Variants in SLC25A42 observed in about 807,000 individuals in gnomAD.
The protein encoded by SLC25A42 is mitochondrial coenzyme A transporter SLC25A42.
A neutral mutation model predicts 34.7 loss-of-function variants in SLC25A42; 19 were observed. The observed-to-expected ratio is 0.55, with a 90% CI of 0.38 to 0.80. The LOEUF (loss-of-function observed/expected upper bound fraction) is 0.80, where lower values mean the gene tolerates loss of function less well. Among genes scored for constraint, SLC25A42 ranks in the 30% least tolerant of loss-of-function variants. The pLI is 0.00. For missense variants in SLC25A42, 364 were observed against 441.3 expected (o/e 0.82, Z 1.57); for synonymous variants, 205 against 191.2 (o/e 1.07, Z -0.59).
At chr19:19,110,469 G>A in intron 7 of SLC25A42, 100 bp from the exon 8 acceptor site, 1 of 978,912 alleles carries the variant, frequency 1.0e-6, no homozygotes, top group South Asian at 2.2e-5. Context: ...GTGTGTATGT[G>A]CACGCAGGTT....
intron 1 of SLC25A42, among the ~76,000 whole-genome samples, chr19:19,064,365 C>G (rs2059589982): frequency 6.6e-6 from 1 of 151,776 alleles, no homozygotes; most frequent in African/African-American, 2.4e-5. Flanking sequence ...TCTCCCACAC[C>G]CCTGGGGCCT....
intron 1 of SLC25A42, among the ~76,000 whole-genome samples, chr19:19,084,189 G>A (rs2059695139): frequency 6.6e-6 from 1 of 152,172 alleles, no homozygotes; most frequent in South Asian, 2.1e-4. Flanking sequence ...GTGTGCCCCG[G>A]CAGGCACCTT....
intron 1 of SLC25A42, among the ~76,000 whole-genome samples, chr19:19,067,292 A>G (rs1263006031): frequency 1.3e-5 from 2 of 152,156 alleles, no homozygotes; most frequent in East Asian, 1.9e-4. Context: ...ACTAAAGTTC[A>G]AGAAATATTT....
At chr19:19,104,832 T>C (rs1292841048) in intron 3 of SLC25A42, 81 bp from the exon 4 acceptor site, 11 of 1,508,614 alleles carry the variant, frequency 7.3e-6, no homozygotes, top group Non-Finnish European at 1.0e-5. Context: ...ACTCTGCTAG[T>C]GGGTGCCAGG....
At chr19:19,091,274 TG>T (rs1267337035) in intron 1 of SLC25A42, among the ~76,000 whole-genome samples, 3 of 152,054 alleles carry the variant, frequency 2.0e-5, no homozygotes, top group Admixed American at 2.0e-4. Context: ...CTGGCCAACA[TG>T]GTGAAACCCT....
chr19:19,078,145 G>A lies in SLC25A42; in HGVS notation c.-35+14030G>A, dbSNP rs143064856. On this transcript the variant is annotated intron_variant, in intron 1 of 7. Transcript: ENST00000318596. The stretch of plus-strand genomic sequence containing the variant: ...TTCAAAGCTCCCAGGGCTGTATATG[G>A]GGAGGCTGGAGGGAGAGGCCTCTAT... 2.7e-3 allele frequency among the ~76,000 whole-genome samples: 417 copies of A among 152,074 alleles called. 2 individuals are homozygous for A. The highest frequency in any genetic ancestry group is 9.5e-3 in the African/African-American group (395 of 41,460).
At chr19:19,080,749 G>A (rs763106131) in intron 1 of SLC25A42, among the ~76,000 whole-genome samples, 21 of 151,852 alleles carry the variant, frequency 1.4e-4, no homozygotes, top group East Asian at 3.9e-4. Context: ...GTGAAACCCC[G>A]TCTCTACGAA....
intron 7 of SLC25A42, 151 bp from the exon 8 acceptor site, chr19:19,110,418 G>T: frequency 1.9e-6 from 1 of 536,876 alleles, no homozygotes; most frequent in Non-Finnish European, 3.0e-6. Flanking sequence ...GGGGCGTGTG[G>T]GTGCGCATGA....
At chr19:19,100,636 A>G (rs539710268) in intron 2 of SLC25A42, among the ~76,000 whole-genome samples, 1 of 152,304 alleles carries the variant, frequency 6.6e-6, no homozygotes, top group South Asian at 2.1e-4. Context: ...GAGTTCTTAC[A>G]GAACCCTGGG....
chr19:19,105,417 ACATGGGGGTGGGGTTATGTGCTGTG>A (rs1272485252), intron 4 of SLC25A42, 119 bp from the exon 5 acceptor site: 4 of 948,434 alleles, frequency 4.2e-6, no homozygotes, highest in Non-Finnish European at 4.6e-6. Context: ...TGGGGCCCTC[ACATGGGGGTGGGGTTATGTGCTGTG>A]CATGGAGATG....
At chr19:19,105,367 C>T (rs2059820369) in intron 4 of SLC25A42, 194 bp from the exon 5 acceptor site, 2 of 626,306 alleles carry the variant, frequency 3.2e-6, no homozygotes, top group Non-Finnish European at 5.3e-6. Context: ...GGAGGAAGGA[C>T]GGGGCTGGGG....
Position 19,107,902 on chromosome 19 carries a change from A to T in SLC25A42, c.506A>T (p.Asn169Ile). The change falls in exon 7 of 8, where the codon AAC becomes ATC. Residue 169 changes from asparagine (N) to isoleucine (I), a missense_variant. Asn to Ile is a moderately radical substitution (Grantham distance 149, BLOSUM62 -3). Transcript: ENST00000318596. Reference protein sequence around the residue: ...MAVTPKEMYSNIFHVFIRISR... With the variant: ...MAVTPKEMYSIIFHVFIRISR... Reference sequence around the variant, plus strand: ...CTGCTCTGTCCTGGCAGGTACAGCAACATCTTTCATGTCTTCATCCGCATC... The same window carrying T: ...CTGCTCTGTCCTGGCAGGTACAGCATCATCTTTCATGTCTTCATCCGCATC... 4 of 1,614,112 alleles carry T rather than the reference A, an allele frequency of 2.5e-6. No individual in the cohort carries two copies. The highest frequency in any genetic ancestry group is 3.4e-6 in the Non-Finnish European group (4 of 1,180,010).
chr19:19,074,712 T>C (rs771407760), intron 1 of SLC25A42, among the ~76,000 whole-genome samples: 9 of 151,866 alleles, frequency 5.9e-5, no homozygotes, highest in South Asian at 2.1e-4. Flanking sequence ...AGTGTGTGTG[T>C]GCGTGCGTGT....
At position 19,101,554 on chromosome 19, in the gene SLC25A42, A is replaced by G. The variant is rs573556600; in HGVS notation, c.82-227A>G. ...TGAAACCTGCACACCTCACCTCCAAAGTGGATGGTACCTGTCATCTTGGGA... is the reference window on the plus strand; with the variant it reads ...TGAAACCTGCACACCTCACCTCCAAGGTGGATGGTACCTGTCATCTTGGGA... On this transcript the variant is annotated intron_variant, in intron 2 of 7. Transcript: ENST00000318596. Among the ~76,000 whole-genome samples the G allele has an allele frequency of 2.8e-4, 43 of 152,266 alleles. 1 individual carries two copies. In the South Asian group the frequency reaches 8.3e-3, roughly 29 times the overall value.
chr19:19,105,364 G>A, intron 4 of SLC25A42, 197 bp from the exon 5 acceptor site: 1 of 644,748 alleles, frequency 1.6e-6, no homozygotes, highest in Non-Finnish European at 2.6e-6. Context: ...TAGGGAGGAA[G>A]GACGGGGCTG....
chr19:19,072,626 G>A (rs1393081145), intron 1 of SLC25A42, among the ~76,000 whole-genome samples: 1 of 151,912 alleles, frequency 6.6e-6, no homozygotes, highest in African/African-American at 2.4e-5. Context: ...CAAGTGATCT[G>A]CCCGCCTCGG....
At position 19,101,834 on chromosome 19, in the gene SLC25A42, C is replaced by A. The variant is rs2059798189; in HGVS notation, c.135C>A (p.Ala45=). 2.5e-6 allele frequency: 4 copies of A among 1,613,864 alleles called. No homozygotes were observed. The East Asian group carries it at 8.9e-5, about 36-fold the overall frequency. Residue 45 remains alanine (A), a synonymous_variant, in exon 3 of 8, where the codon GCC becomes GCA. Transcript: ENST00000318596. The part of the protein sequence containing the change: ...SSLLSGALAG[A]LAKTAVAPLD... ...TGCTGTCTGGGGCCCTGGCTGGTGC[C>A]CTTGCCAAAACAGCGGTAGCTCCCC...
chr19:19,087,008 G>A (rs1336317567), intron 1 of SLC25A42, among the ~76,000 whole-genome samples: 2 of 152,106 alleles, frequency 1.3e-5, no homozygotes, highest in Non-Finnish European at 2.9e-5. Context: ...GAGGTTACCA[G>A]TAATTGATAC....
At chr19:19,076,438 C>T (rs1396170803) in intron 1 of SLC25A42, among the ~76,000 whole-genome samples, 1 of 152,110 alleles carries the variant, frequency 6.6e-6, no homozygotes, top group Admixed American at 6.5e-5. Flanking sequence ...CCACTGCACT[C>T]CAGCCTGGGC....
Sources: allele counts gnomAD v4.1 joint callset (sites outside exome capture counted in the v4.1 genomes callset), GRCh38; gene constraint gnomAD v4.1.1; transcripts MANE v1.5; gene names NCBI Gene and HGNC (gene_info 2026-07-23, HGNC 2026-07-21).